Variants in TAF1A observed in about 807,000 individuals in gnomAD.
TAF1A encodes the protein TATA-box binding protein associated factor, RNA polymerase I subunit A.
A neutral mutation model predicts 61.6 loss-of-function variants in TAF1A; 42 were observed. That is an observed-to-expected ratio of 0.68 (90% confidence interval 0.53 to 0.88). The LOEUF is 0.88. Ranked by LOEUF, TAF1A falls within the 40% of genes least tolerant of loss-of-function variation. The pLI is 0.00. For synonymous variants in TAF1A, 179 were observed against 177.7 expected, an observed-to-expected ratio of 1.01 and a Z score of -0.06; for missense variants, 424 against 518.7, an observed-to-expected ratio of 0.82 and a Z score of 1.77.
chr1:222,581,188 G>A (rs1445568743), intron 3 of TAF1A, among the ~76,000 whole-genome samples: 1 of 152,190 alleles, frequency 6.6e-6, no homozygotes. Flanking sequence ...AAAGCCCTAG[G>A]TGATCCAAAG....
intron 7 of TAF1A, among the ~76,000 whole-genome samples, chr1:222,566,529 G>A (rs1052444648): frequency 5.3e-5 from 8 of 152,138 alleles, no homozygotes; most frequent in Non-Finnish European, 1.0e-4. Context: ...ATCCCATCTG[G>A]GGGTGATGGG....
Position 222,588,512 on chromosome 1 carries a change from C to T in TAF1A, c.52G>A (p.Val18Met). 1 of 1,613,936 alleles carries T rather than the reference C, an allele frequency of 6.2e-7. No homozygotes were observed. Among genetic ancestry groups the T allele is most frequent in the Non-Finnish European group, 8.5e-7 (1 of 1,179,896 alleles). Residue 18 changes from valine (V) to methionine (M), a missense_variant, in exon 2 of 11, where the codon GTG (valine) becomes ATG (methionine). By Grantham distance (21) the Val-to-Met change is conservative (BLOSUM62 1). Transcript: ENST00000352967. ...LKGPVTDDEE[V>M]ETSVLSGAGM... ...GCACCACTGAGCACAGATGTTTCCA[C>T]TTCTTCATCATCTGTCACAGGCCCT... is the stretch of plus-strand genomic sequence containing the variant.
At chr1:222,564,186 GCTTA>G (rs1458537050) in intron 7 of TAF1A, 61 bp from the exon 8 acceptor site, 9 of 1,121,162 alleles carry the variant, frequency 8.0e-6, no homozygotes, top group Non-Finnish European at 9.0e-6. Context: ...TCAAATTTCA[GCTTA>G]CTTTCAAAAT....
At chr1:222,572,597 C>A (rs375461913) in intron 5 of TAF1A, among the ~76,000 whole-genome samples, 1 of 152,120 alleles carries the variant, frequency 6.6e-6, no homozygotes, top group Non-Finnish European at 1.5e-5. Context: ...AGGGCTCATG[C>A]GATCTACCTG....
At chr1:222,559,955 T>C (rs1659848388) in intron 10 of TAF1A, among the ~76,000 whole-genome samples, 2 of 152,164 alleles carry the variant, frequency 1.3e-5, no homozygotes, top group South Asian at 4.1e-4. Flanking sequence ...TATAGAAAGC[T>C]GGAAAGAATT....
At chr1:222,555,121 G>A (rs532276529), downstream of TAF1A, among the ~76,000 whole-genome samples, 38 of 152,252 alleles carry the variant, frequency 2.5e-4, no homozygotes, top group Admixed American at 3.3e-4. Context: ...AGAATGAATC[G>A]TATCAAAGGT....
intron 10 of TAF1A, 112 bp from the exon 11 acceptor site, chr1:222,558,884 GATTT>G (rs1430602368): frequency 5.4e-5 from 26 of 477,338 alleles, no homozygotes; most frequent in Non-Finnish European, 8.3e-5. Flanking sequence ...TATGAAAATA[GATTT>G]ATTTGTATTA....
At chr1:222,569,202 T>C in intron 7 of TAF1A, 11 of 1,120,462 alleles carry the variant, frequency 9.8e-6, no homozygotes, top group Non-Finnish European at 1.1e-5. Context: ...TTAAAATAAG[T>C]GTGTTTACTC....
chr1:222,568,660 G>A (rs1660219167), intron 7 of TAF1A, among the ~76,000 whole-genome samples: 1 of 152,142 alleles, frequency 6.6e-6, no homozygotes, highest in Non-Finnish European at 1.5e-5. Flanking sequence ...GAATGTCGAT[G>A]GTACAGTCAC....
rs746879953 is a variant in TAF1A, at chr1:222,563,257, A to C, written c.1001T>G (p.Phe334Cys). The change falls in exon 9 of 11, where the codon TTT (phenylalanine) becomes TGT (cysteine). Residue 334 changes from phenylalanine (F) to cysteine (C), a missense_variant. Physicochemically the swap from Phe to Cys is radical, Grantham distance 205 (BLOSUM62 -2). Coordinates refer to ENST00000352967, the MANE Select transcript of TAF1A (RefSeq NM_005681.4). ...GCATCCGGCAAAATCTAAGACTCCA[A>C]ATAATACCTCCAACCCCAGTTTACG... ...EHRKLGLEVL[F>C]GVLDFAGCTK... 4.3e-6 allele frequency: 7 copies of C among 1,613,016 alleles called. No individual in the cohort carries two copies. Among genetic ancestry groups the C allele is most frequent in the South Asian group, 3.3e-5 (3 of 90,934 alleles).
In TAF1A at chr1:222,561,422, C is replaced by T. The variant is rs1439324443; in HGVS notation, c.1182G>A (p.Lys394=). ...TCTCACAGGCCAAAGCTGTATCTTC[C>T]TTCCAATCACTTTTTGCCCAAAAGT... The part of the protein sequence containing the change: ...FSYFWAKSDW[K]EDTALACEKA... Residue 394 remains lysine (K), a synonymous_variant, in exon 10 of 11, where the codon AAG becomes AAA. Coordinates refer to ENST00000352967, the MANE Select transcript of TAF1A (RefSeq NM_005681.4). The T allele has an allele frequency of 1.2e-6, 2 of 1,612,938 alleles. No individual in the cohort carries two copies. Among genetic ancestry groups the T allele is most frequent in the Middle Eastern group, 1.7e-4 (1 of 6,056 alleles).
intron 2 of TAF1A, among the ~76,000 whole-genome samples, chr1:222,584,900 G>GT (rs1482198997): frequency 2.6e-5 from 4 of 152,116 alleles, no homozygotes; most frequent in African/African-American, 4.8e-5. Context: ...ATCTTCCCAC[G>GT]TAACTATGAG....
At chr1:222,560,619 C>T (rs1421780983) in intron 10 of TAF1A, among the ~76,000 whole-genome samples, 1 of 152,164 alleles carries the variant, frequency 6.6e-6, no homozygotes, top group East Asian at 1.9e-4. Context: ...TCTTAATCAA[C>T]ATTGTATTAC....
intron 2 of TAF1A, among the ~76,000 whole-genome samples, chr1:222,585,455 TAA>T (rs199512248): frequency 2.8e-4 from 39 of 137,534 alleles, no homozygotes; most frequent in East Asian, 6.2e-4. Context: ...ATAACTTTAT[TAA>T]AAAAAAAAAA....
intron 2 of TAF1A, 142 bp downstream of exon 2, chr1:222,588,301 A>G: frequency 1.0e-6 from 1 of 979,656 alleles, no homozygotes; most frequent in Non-Finnish European, 1.5e-6. Flanking sequence ...AAAAGAAAAA[A>G]GATTTCTTTT....
At chr1:222,583,405 T>C (rs1660872550) in intron 3 of TAF1A, among the ~76,000 whole-genome samples, 1 of 119,762 alleles carries the variant, frequency 8.3e-6, no homozygotes, top group Middle Eastern at 3.9e-3. Flanking sequence ...TGATGGCGTA[T>C]AAAAAACGTC....
intron 5 of TAF1A, among the ~76,000 whole-genome samples, chr1:222,576,466 G>A (rs1461161551): frequency 6.6e-6 from 1 of 152,216 alleles, no homozygotes; most frequent in East Asian, 1.9e-4. Context: ...GTTAATCATA[G>A]AGATTAGGTT....
rs771038972 is a variant in TAF1A, at chr1:222,588,577, T to G, written c.-2-12A>C. 6.2e-7 allele frequency: 1 copy of G among 1,611,802 alleles called. No individual in the cohort carries two copies. Among genetic ancestry groups the G allele is most frequent in the South Asian group, 1.1e-5 (1 of 90,414 alleles). ...GAAATCACTCATACCTATTACAAGA[T>G]GAGATATCAGTTACTTTCTGTACAT... On this transcript the variant is annotated splice_polypyrimidine_tract_variant and intron_variant, in intron 1 of 10. Transcript: ENST00000352967.
At chr1:222,561,648 C>T in intron 9 of TAF1A, 130 bp from the exon 10 acceptor site, 1 of 881,716 alleles carries the variant, frequency 1.1e-6, no homozygotes. Context: ...CTCAATATGG[C>T]CAAGGCATAA....
Sources: allele counts gnomAD v4.1 joint callset (sites outside exome capture counted in the v4.1 genomes callset), GRCh38; gene constraint gnomAD v4.1.1; transcripts MANE v1.5; gene names NCBI Gene and HGNC (gene_info 2026-07-23, HGNC 2026-07-21).